The following PROCA1 variants were observed in gnomAD, a reference collection of about 807,000 sequenced individuals.
PROCA1 encodes protein PROCA1.
Under a neutral mutation model 23.2 loss-of-function variants are expected in PROCA1, and 22 were observed. The observed-to-expected ratio is 0.95, with a 90% CI of 0.68 to 1.35. The LOEUF (loss-of-function observed/expected upper bound fraction) is 1.35. Among genes scored for constraint, PROCA1 ranks in the 40% most tolerant of loss-of-function variants. PROCA1 has a pLI of 0.00. For synonymous variants in PROCA1, 182 were observed against 179.2 expected (o/e 1.02, Z -0.12); for missense variants, 469 against 459.8 (o/e 1.02, Z -0.18).
intron 1 of PROCA1, 88 bp from the exon 2 acceptor site, chr17:28,706,851 C>T (rs1270951711): frequency 8.0e-7 from 1 of 1,253,690 alleles, no homozygotes; most frequent in Non-Finnish European, 1.0e-6. Flanking sequence ...CTCCACATGT[C>T]AGGCCCTCGC....
intron 1 of PROCA1, among the ~76,000 whole-genome samples, chr17:28,709,926 A>G (rs2032700847): frequency 6.6e-6 from 1 of 151,904 alleles, no homozygotes; most frequent in African/African-American, 2.4e-5. Context: ...GAACCCCAGA[A>G]GTGTAGGTTG....
chr17:28,710,039 T>G (rs974324375), intron 1 of PROCA1, among the ~76,000 whole-genome samples: 1 of 152,076 alleles, frequency 6.6e-6, no homozygotes, highest in Non-Finnish European at 1.5e-5. Context: ...CTACTGCACC[T>G]GCTTTTCAGC....
At position 28,710,943 on chromosome 17, in the gene PROCA1, G is replaced by A; in HGVS notation, c.91+627C>T. Reference sequence around the variant, plus strand: ...GAGCTCTCCTCGACCTCGAGGCACTGGGGGTGGGCACCAGAGCAGCCGAAA... The same window carrying A: ...GAGCTCTCCTCGACCTCGAGGCACTAGGGGTGGGCACCAGAGCAGCCGAAA... On this transcript the variant is annotated intron_variant, in intron 1 of 4. Coordinates refer to ENST00000682792, the MANE Select transcript of PROCA1 (RefSeq NM_001366301.1). 4.8e-6 allele frequency: 6 copies of A among 1,237,550 alleles called. No individual in the cohort carries two copies. The Admixed American group carries it at 8.3e-5, about 17-fold the overall frequency. The allele number at this position is 1,237,550 out of a possible 1,614,324, so 76.7% of individuals were successfully genotyped here.
At chr17:28,710,376 G>A (rs552354993) in intron 1 of PROCA1, among the ~76,000 whole-genome samples, 47 of 151,902 alleles carry the variant, frequency 3.1e-4, no homozygotes, top group African/African-American at 1.0e-3. Flanking sequence ...GCGTGGTGGC[G>A]CGCGCCTGTA....
chr17:28,711,617 T>A lies in PROCA1; in HGVS notation c.44A>T (p.Glu15Val). 6.2e-7 allele frequency: 1 copy of A among 1,612,534 alleles called. No individual in the cohort carries two copies. The change falls in exon 1 of 5, where the codon GAA (glutamate) becomes GTA (valine). Residue 15 changes from glutamate to valine, a missense_variant. Coordinates refer to ENST00000682792, the MANE Select transcript of PROCA1 (RefSeq NM_001366301.1). The part of the protein sequence containing the change: ...TTLTIERWTK[E>V]KTEPKARSWD... ...CGAGCGGGCCTTGGGCTCGGTCTTT[T>A]CCTTAGTCCATCTTTCAATTGTGAG... is the stretch of plus-strand genomic sequence containing the variant.
chr17:28,704,309 G>A lies in PROCA1; in HGVS notation c.438C>T (p.Gly146=). Residue 146 remains glycine (G), a splice_region_variant and synonymous_variant, in exon 4 of 5, where the codon GGC becomes GGT. Transcript: ENST00000682792. ...EEEHVERFRY[G]WCKSYRPVSV... is the part of the protein sequence containing the mutation. ...TCAGCCCACCGGGGCTCACTCACCAGCCATACCGGAATCGCTCCACATGCT... is the reference window on the plus strand; with the variant it reads ...TCAGCCCACCGGGGCTCACTCACCAACCATACCGGAATCGCTCCACATGCT... 6.2e-7 allele frequency: 1 copy of A among 1,612,196 alleles called. No homozygotes were observed. Among genetic ancestry groups the A allele is most frequent in the Non-Finnish European group, 8.5e-7 (1 of 1,178,914 alleles).
At chr17:28,709,416 C>T (rs1040602902) in intron 1 of PROCA1, among the ~76,000 whole-genome samples, 1 of 151,908 alleles carries the variant, frequency 6.6e-6, no homozygotes, top group African/African-American at 2.4e-5. Flanking sequence ...CCACCATGCC[C>T]GGCTAATTTT....
At position 28,703,854 on chromosome 17, in the gene PROCA1, T is replaced by C. The variant is rs1388791659; in HGVS notation, c.799A>G (p.Lys267Glu). The change falls in exon 5 of 5, where the codon AAG (lysine) becomes GAG (glutamate). Residue 267 changes from lysine (K) to glutamate (E), a missense_variant. Physicochemically the swap from Lys to Glu is moderately conservative, Grantham distance 56. Transcript: ENST00000682792. ...KKAKKGQLTKKKSPVKLEPSP... is the reference protein window; with the variant it reads ...KKAKKGQLTKEKSPVKLEPSP... ...GGCTCCAATTTAACCGGGCTTTTCT[T>C]CTTAGTCAACTGGCCTTTCTTGGCT... 1 of 1,614,196 alleles carries C rather than the reference T, an allele frequency of 6.2e-7. No homozygotes were observed. Among genetic ancestry groups the C allele is most frequent in the Non-Finnish European group, 8.5e-7 (1 of 1,180,048 alleles).
At chr17:28,711,278 G>A in intron 1 of PROCA1, 1 of 624,204 alleles carries the variant, frequency 1.6e-6, no homozygotes. Context: ...CACCCAGTCC[G>A]ATAGCCGAGC....
Position 28,711,780 on chromosome 17 carries a change from G to T in PROCA1, c.-120C>A. 3 of 795,672 alleles carry T rather than the reference G, an allele frequency of 3.8e-6. No homozygotes were observed. Among genetic ancestry groups the T allele is most frequent in the Non-Finnish European group, 5.6e-6 (3 of 534,998 alleles). The allele number at this position is 795,672 out of a possible 1,614,324, so 49.3% of individuals were successfully genotyped here. ...CCAGTCTCGGCTTCGCCCCCGCCTA[G>T]CCCCTAACCCCGCCTCATGCTGGCG... On this transcript the variant is annotated 5_prime_UTR_variant, in exon 1 of 5. Coordinates refer to ENST00000682792, the MANE Select transcript of PROCA1 (RefSeq NM_001366301.1).
Position 28,711,567 on chromosome 17 carries a change from T to G in PROCA1, c.91+3A>C, listed in dbSNP as rs1394955152. Reference sequence around the variant, plus strand: ...TGCCCAGCCCCTGCCCCGCCCCTCTTACCGCGGCATCTGCTCTCATCCCAC... The same window carrying G: ...TGCCCAGCCCCTGCCCCGCCCCTCTGACCGCGGCATCTGCTCTCATCCCAC... On this transcript the variant is annotated splice_donor_region_variant and intron_variant, in intron 1 of 4. Coordinates refer to ENST00000682792, the MANE Select transcript of PROCA1 (RefSeq NM_001366301.1). 2.5e-6 allele frequency: 4 copies of G among 1,607,030 alleles called. No individual in the cohort carries two copies. The highest frequency in any genetic ancestry group is 2.5e-6 in the Non-Finnish European group (3 of 1,177,786).
At chr17:28,711,326 C>T (rs1318760698) in intron 1 of PROCA1, 3 of 559,212 alleles carry the variant, frequency 5.4e-6, no homozygotes, top group Non-Finnish European at 8.8e-6. Context: ...CCCGCCCATC[C>T]CGCGGGCGAC....
chr17:28,708,608 G>C (rs1267532317), intron 1 of PROCA1, among the ~76,000 whole-genome samples: 1 of 152,002 alleles, frequency 6.6e-6, no homozygotes, highest in Non-Finnish European at 1.5e-5. Context: ...AGTCTGGGCC[G>C]GGCACGGTGG....
At chr17:28,710,245 T>C (rs2032715299) in intron 1 of PROCA1, among the ~76,000 whole-genome samples, 1 of 151,630 alleles carries the variant, frequency 6.6e-6, no homozygotes, top group Non-Finnish European at 1.5e-5. Context: ...ATGCCTGTAA[T>C]CCCAGTACTT....
At chr17:28,706,579 T>C in intron 2 of PROCA1, 101 bp downstream of exon 2, 6 of 821,892 alleles carry the variant, frequency 7.3e-6, no homozygotes, top group Non-Finnish European at 1.1e-5. Context: ...AGGACCACAC[T>C]TCCCTCCCTC....
chr17:28,706,950 G>C (rs1567716283), intron 1 of PROCA1, 187 bp from the exon 2 acceptor site: 1 of 189,362 alleles, frequency 5.3e-6, no homozygotes. Context: ...TGAGGGGGAG[G>C]GGAGAGGGGG....
At chr17:28,709,550 C>T (rs1166515917) in intron 1 of PROCA1, among the ~76,000 whole-genome samples, 2 of 151,910 alleles carry the variant, frequency 1.3e-5, no homozygotes, top group African/African-American at 4.8e-5. Flanking sequence ...CCACCGCACC[C>T]GGCCCATAGC....
chr17:28,711,404 C>T, intron 1 of PROCA1, 166 bp downstream of exon 1: 1 of 504,044 alleles, frequency 2.0e-6, no homozygotes, highest in Non-Finnish European at 3.1e-6. Flanking sequence ...CGCCCCCGGC[C>T]CTAGCTCCGC....
At chr17:28,704,483 A>G (rs1355588020) in intron 3 of PROCA1, 48 bp from the exon 4 acceptor site, 10 of 1,585,272 alleles carry the variant, frequency 6.3e-6, no homozygotes, top group Non-Finnish European at 8.6e-6. Context: ...TCCCCCAGGG[A>G]CCCAGAGCCA....
Sources: allele counts gnomAD v4.1 joint callset (sites outside exome capture counted in the v4.1 genomes callset), GRCh38; gene constraint gnomAD v4.1.1; transcripts MANE v1.5; gene names NCBI Gene and HGNC (gene_info 2026-07-23, HGNC 2026-07-21).